Variants in RRM2 observed in about 807,000 individuals in gnomAD.
RRM2 encodes ribonucleotide reductase regulatory subunit M2.
Under a neutral mutation model 45.9 loss-of-function variants are expected in RRM2, and 6 were observed. The ratio of observed to expected loss-of-function variants is 0.13; its 90% CI spans 0.07 to 0.26. The LOEUF (loss-of-function observed/expected upper bound fraction) is 0.26. RRM2 is among the 10% of genes least tolerant of loss of function. The pLI, the probability that RRM2 is intolerant of heterozygous loss-of-function variation, is 1.00. For missense variants in RRM2, 343 were observed against 489.5 expected, an observed-to-expected ratio of 0.70 and a Z score of 2.82; for synonymous variants, 177 against 173.0, an observed-to-expected ratio of 1.02 and a Z score of -0.18.
chr2:10,186,435 G>A (rs1449725820), intron 3 of RRM2, among the ~76,000 whole-genome samples: 1 of 151,990 alleles, frequency 6.6e-6, no homozygotes, highest in Admixed American at 6.6e-5. Flanking sequence ...GATTACAGGC[G>A]TGAGCCACCG....
chr2:10,127,497 G>A lies in RRM2; in HGVS notation c.798+277G>A, dbSNP rs921367477. Reference sequence around the variant, plus strand: ...CAAGTTCTTTGTTTTTTGAGGTGACGGAATCTTGCTCTGTCGTTCCAGGCT... The same window carrying A: ...CAAGTTCTTTGTTTTTTGAGGTGACAGAATCTTGCTCTGTCGTTCCAGGCT... On this transcript the variant is annotated intron_variant, in intron 7 of 9. Coordinates refer to ENST00000304567, the MANE Select transcript of RRM2 (RefSeq NM_001034.4). This position sits in a 1 kb window ranked among gnomAD's most constrained non-coding sequence, Gnocchi z 4.1. 6.6e-6 allele frequency: 2 copies of A among 300,762 alleles called. No individual in the cohort carries two copies. Among genetic ancestry groups the A allele is most frequent in the Admixed American group, 4.8e-5 (1 of 20,976 alleles). 18.6% of individuals were successfully genotyped at this position (300,762 alleles called of 1,614,324 possible).
chr2:10,170,484 T>C (rs1663777679), intron 3 of RRM2, among the ~76,000 whole-genome samples: 1 of 152,058 alleles, frequency 6.6e-6, no homozygotes, highest in African/African-American at 2.4e-5. Context: ...GTGAATGGGC[T>C]GTAATGTCAG....
chr2:10,173,238 G>T (rs1027669598), intron 3 of RRM2, among the ~76,000 whole-genome samples: 1 of 152,104 alleles, frequency 6.6e-6, no homozygotes, highest in African/African-American at 2.4e-5. Flanking sequence ...GGCACTCAGG[G>T]GTGTCGGCCA....
chr2:10,193,182 C>CG (rs1243366314), intron 3 of RRM2, among the ~76,000 whole-genome samples: 2 of 152,170 alleles, frequency 1.3e-5, no homozygotes, highest in African/African-American at 4.8e-5. Flanking sequence ...GCTTGGATCT[C>CG]GGGGGGCTGG....
At chr2:10,173,438 C>T (rs1187965683) in intron 3 of RRM2, among the ~76,000 whole-genome samples, 1 of 152,220 alleles carries the variant, frequency 6.6e-6, no homozygotes, top group Non-Finnish European at 1.5e-5. Context: ...AGCAGCTGGA[C>T]CCATCATCTG....
At chr2:10,142,118 C>A in intron 2 of RRM2, 2 of 1,565,722 alleles carry the variant, frequency 1.3e-6, no homozygotes, top group Non-Finnish European at 8.7e-7. Context: ...GGTGGGCAAG[C>A]GCAAAGGCCC....
chr2:10,131,896 G>T (rs1237910642), downstream of RRM2, among the ~76,000 whole-genome samples: 4 of 152,220 alleles, frequency 2.6e-5, no homozygotes, highest in Non-Finnish European at 5.9e-5. Context: ...TGCACGTGGG[G>T]TTTGTGAAGC....
intron 3 of RRM2, among the ~76,000 whole-genome samples, chr2:10,190,761 G>A (rs897776087): frequency 1.9e-4 from 29 of 149,808 alleles, no homozygotes; most frequent in Middle Eastern, 3.5e-3. Context: ...GGCGATGATG[G>A]TGGTAATGAT....
At position 10,127,403 on chromosome 2, in the gene RRM2, G is replaced by C. The variant is rs544286768; in HGVS notation, c.798+183G>C. The C allele has an allele frequency of 1.6e-6, 1 of 621,756 alleles. No individual in the cohort carries two copies. The highest frequency in any genetic ancestry group is 1.8e-5 in the African/African-American group (1 of 54,482). The allele number at this position is 621,756 out of a possible 1,614,324, so 38.5% of individuals were successfully genotyped here. A position where few individuals can be genotyped will look rare whatever the true frequency, so the allele number is the denominator to read the frequency against. On this transcript the variant is annotated intron_variant, in intron 7 of 9. Coordinates refer to ENST00000304567, the MANE Select transcript of RRM2 (RefSeq NM_001034.4). The surrounding 1 kb of genome is among the most constrained non-coding windows in gnomAD (Gnocchi z 4.1). ...TTCATTTACTGAAACTGTTTTACTT[G>C]CATTCTCAATATATTGTAATACATT...
At chr2:10,146,677 T>G (rs1365065451) in intron 3 of RRM2, among the ~76,000 whole-genome samples, 3 of 151,938 alleles carry the variant, frequency 2.0e-5, no homozygotes, top group Non-Finnish European at 1.5e-5. Context: ...TGAGATGGGG[T>G]GGGGATGGAT....
intron 3 of RRM2, among the ~76,000 whole-genome samples, chr2:10,196,521 C>T (rs1664416707): frequency 6.6e-6 from 1 of 152,134 alleles, no homozygotes; most frequent in African/African-American, 2.4e-5. Flanking sequence ...GGTCAGTCTG[C>T]CCACCCAGGC....
In RRM2 at chr2:10,123,790, T is replaced by G; in HGVS notation, c.373T>G (p.Tyr125Asp). The G allele has an allele frequency of 3.7e-6, 6 of 1,613,360 alleles. No homozygotes were observed. The highest frequency in any genetic ancestry group is 5.1e-6 in the Non-Finnish European group (6 of 1,179,268). Residue 125 changes from tyrosine (Y) to aspartate (D), a missense_variant, in exon 4 of 10, where the codon TAT becomes GAT. Tyr to Asp is a radical substitution (Grantham distance 160). Transcript: ENST00000304567. ...HWESLKPEERYFISHVLAFFA... is the reference protein window; with the variant it reads ...HWESLKPEERDFISHVLAFFA... ...GGAATCCCTGAAACCCGAGGAGAGA[T>G]ATTTTATATCCCATGTTCTGGCTTT...
downstream of RRM2, among the ~76,000 whole-genome samples, chr2:10,132,103 C>T (rs185118098): frequency 2.6e-5 from 4 of 152,306 alleles, no homozygotes; most frequent in Admixed American, 2.6e-4. Flanking sequence ...GAATCCCACC[C>T]ACTTTGATAA....
downstream of RRM2, among the ~76,000 whole-genome samples, chr2:10,135,669 T>C (rs923290094): frequency 2.6e-5 from 4 of 152,184 alleles, no homozygotes; most frequent in Admixed American, 2.6e-4. Flanking sequence ...CTCTTAAGGC[T>C]CAAATTCTAG....
chr2:10,138,378 G>T (rs189435266), upstream of RRM2, among the ~76,000 whole-genome samples: 786 of 152,260 alleles, frequency 5.2e-3, 6 homozygotes, highest in Non-Finnish European at 8.5e-3. Flanking sequence ...TGTTGGTCAG[G>T]CTGGTCTCGA....
downstream of RRM2, among the ~76,000 whole-genome samples, chr2:10,135,695 A>G (rs1248026846): frequency 6.6e-6 from 1 of 152,238 alleles, no homozygotes; most frequent in Admixed American, 6.5e-5. Flanking sequence ...AATGATTGCC[A>G]AACTAAACAC....
downstream of RRM2, among the ~76,000 whole-genome samples, chr2:10,133,047 T>C (rs1217985284): frequency 1.3e-5 from 2 of 152,178 alleles, no homozygotes; most frequent in African/African-American, 4.8e-5. Flanking sequence ...AGGGACCCTG[T>C]AATCTTAATG....
chr2:10,190,628 A>G (rs1365630447), intron 3 of RRM2, among the ~76,000 whole-genome samples: 3 of 118,300 alleles, frequency 2.5e-5, no homozygotes, highest in Middle Eastern at 7.4e-3. Flanking sequence ...TGATGGTGGC[A>G]ATGGTGGTGG....
chr2:10,193,579 C>T (rs1664354470), intron 3 of RRM2, among the ~76,000 whole-genome samples: 2 of 152,248 alleles, frequency 1.3e-5, no homozygotes, highest in Admixed American at 6.5e-5. Context: ...GGGCTCTGCT[C>T]GTGTGGGCAC....
Sources: gnomAD v4.1 joint callset for allele counts (sites outside exome capture counted in the v4.1 genomes callset) on GRCh38, gnomAD v4.1.1 for gene constraint, Gnocchi (gnomAD v3.1) non-coding constraint, MANE v1.5 for transcripts, NCBI Gene and HGNC (gene_info 2026-07-23, HGNC 2026-07-21) for gene names.